The following ATP2B2 variants were observed in gnomAD, a reference collection of about 807,000 sequenced individuals.
The protein encoded by ATP2B2 is plasma membrane calcium-transporting ATPase 2.
A neutral mutation model predicts 120.0 loss-of-function variants in ATP2B2; 15 were observed. The observed-to-expected ratio is 0.12, with a 90% CI of 0.08 to 0.19. The LOEUF is 0.19. ATP2B2 is among the 10% of genes least tolerant of loss of function. ATP2B2 has a pLI of 1.00. For missense variants in ATP2B2, 1,045 were observed against 1,719.8 expected (o/e 0.61, Z 6.94); for synonymous variants, 694 against 700.3 (o/e 0.99, Z 0.14).
chr3:10,613,345 G>A (rs2069292965), intron 2 of ATP2B2, among the ~76,000 whole-genome samples: 1 of 152,166 alleles, frequency 6.6e-6, no homozygotes, highest in African/African-American at 2.4e-5. Flanking sequence ...AGTCATTCTA[G>A]TGAATTATCA....
chr3:10,374,196 G>A (rs191157559), intron 11 of ATP2B2, among the ~76,000 whole-genome samples: 16 of 152,286 alleles, frequency 1.1e-4, no homozygotes, highest in Admixed American at 3.9e-4. Context: ...GGACATCCCC[G>A]GGCTCAGTGA....
chr3:10,477,310 T>A (rs1162489631), intron 1 of ATP2B2, among the ~76,000 whole-genome samples: 2 of 152,252 alleles, frequency 1.3e-5, no homozygotes, highest in Non-Finnish European at 2.9e-5. Context: ...TCTGGAAGTT[T>A]CATAGCTGTA....
At chr3:10,688,576 C>T (rs1259436627) in intron 1 of ATP2B2, among the ~76,000 whole-genome samples, 1 of 152,142 alleles carries the variant, frequency 6.6e-6, no homozygotes, top group African/African-American at 2.4e-5. Context: ...GCCAAATGAC[C>T]CAGGTCCCCC....
chr3:10,665,783 T>C (rs1321544965), intron 1 of ATP2B2, among the ~76,000 whole-genome samples: 2 of 152,144 alleles, frequency 1.3e-5, no homozygotes, highest in Non-Finnish European at 2.9e-5. Flanking sequence ...TCTGGGAGTC[T>C]TGCCCGCCTC....
At chr3:10,483,817 C>T (rs983711153) in intron 1 of ATP2B2, among the ~76,000 whole-genome samples, 3 of 152,248 alleles carry the variant, frequency 2.0e-5, no homozygotes, top group African/African-American at 4.8e-5. Context: ...TGGCCCTCTC[C>T]AGTCCAGACA....
chr3:10,559,795 C>T (rs1384690785), intron 2 of ATP2B2, among the ~76,000 whole-genome samples: 1 of 152,214 alleles, frequency 6.6e-6, no homozygotes, highest in African/African-American at 2.4e-5. Context: ...CCAGTGGTAA[C>T]TCTGCACGTG....
At chr3:10,597,029 A>G (rs766068658) in intron 2 of ATP2B2, among the ~76,000 whole-genome samples, 14 of 150,074 alleles carry the variant, frequency 9.3e-5, no homozygotes, top group Non-Finnish European at 1.8e-4. Flanking sequence ...ACAGGCACAC[A>G]CCCAGACACA....
rs2066246216 is a variant in ATP2B2, at chr3:10,498,470, AG to A, written c.-320+6994del. 2.0e-5 allele frequency among the ~76,000 whole-genome samples: 3 copies of A among 152,348 alleles called. No homozygotes were observed. In the South Asian group the frequency reaches 6.2e-4, roughly 32 times the overall value. On this transcript the variant is annotated intron_variant, in intron 1 of 22. Transcript: ENST00000360273. Reference sequence around the variant, plus strand: ...AGCGTGGATGCCTCAGGCATGCAGGAGGCACCCCAAATGGCTGCCACAGCAT... The same window carrying A: ...AGCGTGGATGCCTCAGGCATGCAGGAGCACCCCAAATGGCTGCCACAGCAT...
At chr3:10,479,662 A>G (rs2065332864) in intron 1 of ATP2B2, among the ~76,000 whole-genome samples, 1 of 152,038 alleles carries the variant, frequency 6.6e-6, no homozygotes, top group Non-Finnish European at 1.5e-5. Flanking sequence ...GTCTCCTTTC[A>G]CTAAGGCCTG....
chr3:10,643,102 T>C (rs1205230140), intron 1 of ATP2B2, among the ~76,000 whole-genome samples: 1 of 152,130 alleles, frequency 6.6e-6, no homozygotes, highest in Non-Finnish European at 1.5e-5. Context: ...AAGGCAAAGA[T>C]GAGGCATGTC....
At chr3:10,537,924 G>A (rs1314615933) in intron 2 of ATP2B2, among the ~76,000 whole-genome samples, 5 of 152,036 alleles carry the variant, frequency 3.3e-5, no homozygotes, top group Admixed American at 1.3e-4. Flanking sequence ...TCTTTAGCCC[G>A]TTAATATGGT....
At chr3:10,462,181 T>C (rs548263799) in intron 1 of ATP2B2, among the ~76,000 whole-genome samples, 1 of 152,308 alleles carries the variant, frequency 6.6e-6, no homozygotes, top group East Asian at 1.9e-4. Flanking sequence ...AGAACCGACC[T>C]TCTTGTGGTT....
chr3:10,591,595 C>A (rs377222347), intron 2 of ATP2B2, among the ~76,000 whole-genome samples: 1 of 152,190 alleles, frequency 6.6e-6, no homozygotes, highest in African/African-American at 2.4e-5. Flanking sequence ...TAAAAACACG[C>A]CTTTCCTTGA....
At chr3:10,454,965 G>T (rs1404296924) in intron 1 of ATP2B2, among the ~76,000 whole-genome samples, 2 of 152,088 alleles carry the variant, frequency 1.3e-5, no homozygotes, top group Non-Finnish European at 2.9e-5. Context: ...TGTATTGCTT[G>T]AGCCTGCTTA....
chr3:10,497,767 C>T (rs2066214460), intron 1 of ATP2B2, among the ~76,000 whole-genome samples: 1 of 152,200 alleles, frequency 6.6e-6, no homozygotes, highest in Admixed American at 6.5e-5. Context: ...ATTTATTAAG[C>T]ACCTACTGCA....
At chr3:10,703,907 C>T (rs553557427) in intron 1 of ATP2B2, among the ~76,000 whole-genome samples, 4 of 152,294 alleles carry the variant, frequency 2.6e-5, no homozygotes, top group South Asian at 2.1e-4. Flanking sequence ...CCTAGTCACC[C>T]GGGGGCAGGT....
In ATP2B2 at chr3:10,340,595, G is replaced by A. The variant is rs759463804; in HGVS notation, c.3027C>T (p.Asn1009=). The change falls in exon 20 of 23, where the codon AAC becomes AAT. Residue 1009 remains asparagine, a synonymous_variant. Coordinates refer to ENST00000360273, the MANE Select transcript of ATP2B2 (RefSeq NM_001001331.4). The surrounding 1 kb of genome is among the most constrained non-coding windows in gnomAD (Gnocchi z 5.0). ...CGTGGATCTTGCGGGCGTTGATCTC[G>A]TTGAAGAGCTGCATCATGACGAAGG... is the stretch of plus-strand genomic sequence containing the variant. ...FNTFVMMQLF[N]EINARKIHGE... is the part of the protein sequence containing the mutation. The A allele has an allele frequency of 7.3e-5, 118 of 1,614,142 alleles. No homozygotes were observed. The highest frequency in any genetic ancestry group is 1.7e-4 in the Admixed American group (10 of 60,010).
At chr3:10,643,552 C>T (rs566489093) in intron 1 of ATP2B2, among the ~76,000 whole-genome samples, 2 of 152,306 alleles carry the variant, frequency 1.3e-5, no homozygotes, top group South Asian at 4.1e-4. Context: ...TTGTGGGGCA[C>T]ATGGCATCAC....
intron 3 of ATP2B2, among the ~76,000 whole-genome samples, chr3:10,409,192 G>C (rs913817437): frequency 6.6e-6 from 1 of 152,010 alleles, no homozygotes. Flanking sequence ...TTTCATATTT[G>C]GTATAAAACT....
Sources: gnomAD v4.1 joint callset for allele counts (sites outside exome capture counted in the v4.1 genomes callset) on GRCh38, gnomAD v4.1.1 for gene constraint, Gnocchi (gnomAD v3.1) non-coding constraint, MANE v1.5 for transcripts, NCBI Gene and HGNC (gene_info 2026-07-23, HGNC 2026-07-21) for gene names.